Variants in UBE3D observed in about 807,000 individuals in gnomAD.
UBE3D encodes ubiquitin protein ligase E3D.
In UBE3D, 48 loss-of-function variants were observed where a neutral mutation model predicts 49.6. The ratio of observed to expected loss-of-function variants is 0.97; its 90% confidence interval spans 0.77 to 1.23. UBE3D has a LOEUF of 1.23. Ranked by LOEUF, UBE3D falls within the 50% of genes most tolerant of loss-of-function variation. UBE3D has a pLI of 0.00. For missense variants in UBE3D, 452 were observed against 468.4 expected (o/e 0.96, Z 0.32); for synonymous variants, 189 against 174.2 (o/e 1.08, Z -0.67).
intron 9 of UBE3D, among the ~76,000 whole-genome samples, chr6:82,949,801 G>A (rs1775658991): frequency 6.6e-6 from 1 of 152,026 alleles, no homozygotes; most frequent in African/African-American, 2.4e-5. Context: ...TGAGAAAACT[G>A]GATATCCATA....
intron 6 of UBE3D, among the ~76,000 whole-genome samples, chr6:83,023,341 C>A (rs1032709960): frequency 6.6e-6 from 1 of 152,134 alleles, no homozygotes; most frequent in African/African-American, 2.4e-5. Context: ...TTTATAAGAG[C>A]ACATTTGTCT....
At chr6:82,982,452 G>A (rs754596154) in intron 8 of UBE3D, among the ~76,000 whole-genome samples, 2 of 152,040 alleles carry the variant, frequency 1.3e-5, no homozygotes, top group Admixed American at 1.3e-4. Context: ...TTAATCTGTA[G>A]GTTCTCCTTC....
intron 9 of UBE3D, among the ~76,000 whole-genome samples, chr6:82,911,127 AAT>A (rs1351974498): frequency 6.7e-6 from 1 of 148,458 alleles, no homozygotes; most frequent in Non-Finnish European, 1.5e-5. Flanking sequence ...CTATAGCCAT[AAT>A]GTCATAGAAG....
chr6:82,959,981 GAA>G (rs1233534935), intron 8 of UBE3D, among the ~76,000 whole-genome samples: 1 of 152,144 alleles, frequency 6.6e-6, no homozygotes, highest in East Asian at 1.9e-4. Context: ...GTCCCGGGAA[GAA>G]AAGAGTTGTT....
At chr6:83,052,731 G>A (rs759453649) in intron 3 of UBE3D, among the ~76,000 whole-genome samples, 7 of 152,080 alleles carry the variant, frequency 4.6e-5, no homozygotes, top group Admixed American at 2.6e-4. Context: ...ACTCATAAAG[G>A]TCCTAATGTA....
intron 8 of UBE3D, among the ~76,000 whole-genome samples, chr6:83,002,456 G>C (rs766436976): frequency 6.6e-6 from 1 of 152,238 alleles, no homozygotes; most frequent in African/African-American, 2.4e-5. Flanking sequence ...AGGCCAAGGT[G>C]GGTGGATCAC....
At chr6:83,014,718 A>T (rs1407117547) in intron 8 of UBE3D, among the ~76,000 whole-genome samples, 1 of 152,092 alleles carries the variant, frequency 6.6e-6, no homozygotes, top group East Asian at 1.9e-4. Flanking sequence ...CTCCTTGGGG[A>T]AGGATGGGAC....
At chr6:83,010,640 C>G (rs1780271003) in intron 8 of UBE3D, among the ~76,000 whole-genome samples, 1 of 152,010 alleles carries the variant, frequency 6.6e-6, no homozygotes, top group Non-Finnish European at 1.5e-5. Context: ...TCAAAAGGTC[C>G]CACAACAGGC....
At chr6:83,040,159 C>T (rs1218917873) in intron 4 of UBE3D, among the ~76,000 whole-genome samples, 2 of 151,948 alleles carry the variant, frequency 1.3e-5, no homozygotes, top group African/African-American at 4.8e-5. Flanking sequence ...CCAAGGCAGC[C>T]GGATCATGAG....
intron 9 of UBE3D, among the ~76,000 whole-genome samples, chr6:82,942,395 C>T (rs1775078980): frequency 6.6e-6 from 1 of 152,178 alleles, no homozygotes; most frequent in Admixed American, 6.5e-5. Context: ...GGAAAAAATG[C>T]AAGCTGGCTG....
At chr6:82,934,583 T>A (rs887453081) in intron 9 of UBE3D, among the ~76,000 whole-genome samples, 5 of 151,094 alleles carry the variant, frequency 3.3e-5, no homozygotes, top group African/African-American at 1.2e-4. Context: ...TGGGAAGGAG[T>A]AAGGAGGAGA....
At chr6:83,018,842 G>T in intron 8 of UBE3D, 131 bp downstream of exon 8, 1 of 895,642 alleles carries the variant, frequency 1.1e-6, no homozygotes, top group Non-Finnish European at 1.7e-6. Context: ...ATAATATTTA[G>T]CAGTATTGGC....
intron 9 of UBE3D, among the ~76,000 whole-genome samples, chr6:82,924,546 A>G (rs957914028): frequency 3.3e-5 from 5 of 152,194 alleles, no homozygotes; most frequent in Non-Finnish European, 7.3e-5. Context: ...CACACACTGG[A>G]AAGTGATTAG....
chr6:82,941,587 G>T (rs985977995), intron 9 of UBE3D, among the ~76,000 whole-genome samples: 3 of 152,038 alleles, frequency 2.0e-5, no homozygotes, highest in Non-Finnish European at 4.4e-5. Context: ...AAGTTCTTCA[G>T]TAATACAGTT....
chr6:82,955,417 G>A (rs1033659800), intron 9 of UBE3D, among the ~76,000 whole-genome samples: 1 of 152,102 alleles, frequency 6.6e-6, no homozygotes, highest in African/African-American at 2.4e-5. Flanking sequence ...CCCATGGCAT[G>A]CAAATTTCAA....
chr6:82,884,032 T>C, the UBE3D span, among the ~76,000 whole-genome samples: 2 of 152,206 alleles, frequency 1.3e-5, no homozygotes, highest in Non-Finnish European at 2.9e-5. Flanking sequence ...TTTGAGTATA[T>C]GGTACTCAAA....
chr6:82,948,621 T>C (rs989038269), intron 9 of UBE3D, among the ~76,000 whole-genome samples: 10 of 151,980 alleles, frequency 6.6e-5, no homozygotes. Flanking sequence ...ATCAATAAAA[T>C]ACTAGCAAAC....
chr6:82,926,475 T>C (rs1325230820), intron 9 of UBE3D, among the ~76,000 whole-genome samples: 1 of 152,124 alleles, frequency 6.6e-6, no homozygotes, highest in Non-Finnish European at 1.5e-5. Flanking sequence ...TTGGTATTGA[T>C]GATATGGTAA....
chr6:83,043,018 TA>T (rs749651461), intron 4 of UBE3D, among the ~76,000 whole-genome samples: 1 of 152,240 alleles, frequency 6.6e-6, no homozygotes, highest in Non-Finnish European at 1.5e-5. Context: ...GTCTTGATAG[TA>T]CAGAATTTCC....
Sources: gnomAD v4.1 joint callset for allele counts (sites outside exome capture counted in the v4.1 genomes callset) on GRCh38, gnomAD v4.1.1 for gene constraint, MANE v1.5 for transcripts, NCBI Gene and HGNC (gene_info 2026-07-23, HGNC 2026-07-21) for gene names.